CHKA: variants seen among roughly 807,000 people sequenced by gnomAD.
CHKA encodes the protein CHETK-alpha.
In CHKA, 34 loss-of-function variants were observed where a neutral mutation model predicts 60.1. The observed-to-expected ratio is 0.57, with a 90% confidence interval of 0.43 to 0.75. CHKA has a LOEUF of 0.75. CHKA is among the 30% of genes least tolerant of loss of function. The pLI is 0.00. For missense variants in CHKA, 563 were observed against 561.3 expected (o/e 1.00, Z -0.03); for synonymous variants, 217 against 223.1 (o/e 0.97, Z 0.24).
At chr11:68,108,994 G>A (rs1023914195) in intron 1 of CHKA, among the ~76,000 whole-genome samples, 3 of 145,004 alleles carry the variant, frequency 2.1e-5, no homozygotes, top group African/African-American at 5.1e-5. Context: ...GGAGCTCTAC[G>A]AGTTCCTTAC....
Position 68,053,190 on chromosome 11 carries a change from A to C in CHKA, c.*798T>G, listed in dbSNP as rs1855862357. 2 of 157,152 alleles carry C rather than the reference A, an allele frequency of 1.3e-5. No homozygotes were observed. 9.7% of individuals were successfully genotyped at this position (157,152 alleles called of 1,614,324 possible). A position where few individuals can be genotyped will look rare whatever the true frequency, so the allele number is the denominator to read the frequency against. ...CAGAGCAGAGGGCAGGAGAGGCCCA[A>C]AGAGCTAGGTCAAGCAGCTGGCTCC... is the stretch of plus-strand genomic sequence containing the variant. On this transcript the variant is annotated 3_prime_UTR_variant, in exon 12 of 12. Transcript: ENST00000265689.
chr11:68,058,845 G>A (rs533716699), intron 11 of CHKA, among the ~76,000 whole-genome samples: 3 of 152,314 alleles, frequency 2.0e-5, no homozygotes, highest in East Asian at 3.9e-4. Context: ...TGGGGTGGGG[G>A]TCAAAGGGGA....
chr11:68,119,193 T>C (rs1364377268), intron 1 of CHKA, among the ~76,000 whole-genome samples: 1 of 152,206 alleles, frequency 6.6e-6, no homozygotes. Context: ...CTAAACAGCC[T>C]CGGTTTTCTT....
chr11:68,076,832 C>T (rs971395465), intron 3 of CHKA, among the ~76,000 whole-genome samples: 2 of 152,080 alleles, frequency 1.3e-5, no homozygotes, highest in African/African-American at 4.8e-5. Flanking sequence ...TTTAGCACTG[C>T]CCTAAACATT....
chr11:68,081,610 G>A (rs936476392), intron 2 of CHKA, 153 bp from the exon 3 acceptor site: 2 of 600,936 alleles, frequency 3.3e-6, no homozygotes, highest in African/African-American at 1.9e-5. Context: ...AGCATCTAAT[G>A]CACCAGCAGC....
At chr11:68,060,922 G>A (rs1856212963) in intron 11 of CHKA, among the ~76,000 whole-genome samples, 1 of 152,006 alleles carries the variant, frequency 6.6e-6, no homozygotes, top group African/African-American at 2.4e-5. Flanking sequence ...ATAAGACTGA[G>A]GAGGTCAAAA....
chr11:68,065,989 C>T (rs374522668), intron 8 of CHKA, 95 bp from the exon 9 acceptor site: 16 of 812,434 alleles, frequency 2.0e-5, no homozygotes, highest in Admixed American at 4.6e-5. Context: ...GTTCCGAGCA[C>T]GCCACTCCTG....
At chr11:68,055,450 A>G (rs921337652) in intron 11 of CHKA, among the ~76,000 whole-genome samples, 1 of 152,110 alleles carries the variant, frequency 6.6e-6, no homozygotes, top group Admixed American at 6.5e-5. Flanking sequence ...CTTGGTGTGG[A>G]ATTTGTTTTC....
intron 1 of CHKA, among the ~76,000 whole-genome samples, chr11:68,111,521 G>C (rs901242004): frequency 5.9e-5 from 9 of 151,960 alleles, no homozygotes; most frequent in Admixed American, 5.9e-4. Context: ...AGAGGTTGCA[G>C]TGAGCCAAGA....
At position 68,120,878 on chromosome 11, in the gene CHKA, G is replaced by T; in HGVS notation, c.300C>A (p.Pro100=). The T allele has an allele frequency of 7.4e-7, 1 of 1,355,390 alleles. No homozygotes were observed. Among genetic ancestry groups the T allele is most frequent in the South Asian group, 1.5e-5 (1 of 67,016 alleles). 84.0% of individuals were successfully genotyped at this position (1,355,390 alleles called of 1,614,324 possible). The change falls in exon 1 of 12, where the codon CCC becomes CCA. Residue 100 remains proline (P), a synonymous_variant. Transcript: ENST00000265689. ...RAYLWCKEFL[P]GAWRGLREDE... ...CCTCGCGGAGGCCCCGCCAGGCGCC[G>T]GGCAGGAACTCCTTGCACCACAGAT...
chr11:68,113,835 C>T (rs1302301522), intron 1 of CHKA, among the ~76,000 whole-genome samples: 1 of 151,776 alleles, frequency 6.6e-6, no homozygotes, highest in Non-Finnish European at 1.5e-5. Flanking sequence ...TCTCTAAATA[C>T]CAAAAATTAG....
intron 1 of CHKA, among the ~76,000 whole-genome samples, chr11:68,101,709 T>A (rs1157182037): frequency 9.9e-5 from 15 of 151,322 alleles, no homozygotes; most frequent in African/African-American, 3.1e-4. Flanking sequence ...GAAAGAGCTC[T>A]GCAATGAAAA....
chr11:68,083,228 G>A (rs772698833), intron 2 of CHKA, among the ~76,000 whole-genome samples: 3 of 152,080 alleles, frequency 2.0e-5, no homozygotes, highest in South Asian at 2.1e-4. Flanking sequence ...TGAGCCCAAC[G>A]AGCTGCCTGG....
At chr11:68,069,015 G>C (rs1856532236) in intron 6 of CHKA, 78 bp from the exon 7 acceptor site, 2 of 1,115,390 alleles carry the variant, frequency 1.8e-6, no homozygotes, top group Admixed American at 3.6e-5. Flanking sequence ...CACATGGCCA[G>C]CACCAAATTC....
intron 3 of CHKA, among the ~76,000 whole-genome samples, chr11:68,079,792 AG>A (rs1248436681): frequency 6.6e-6 from 1 of 152,222 alleles, no homozygotes; most frequent in Non-Finnish European, 1.5e-5. Flanking sequence ...AGAGACTGCT[AG>A]CCAATGGCAT....
At position 68,070,237 on chromosome 11, in the gene CHKA, A is replaced by G. The variant is rs1300961741; in HGVS notation, c.821T>C (p.Leu274Pro). 1 of 1,614,034 alleles carries G rather than the reference A, an allele frequency of 6.2e-7. No homozygotes were observed. The highest frequency in any genetic ancestry group is 8.5e-7 in the Non-Finnish European group (1 of 1,179,998). The change falls in exon 6 of 12, where the codon CTC becomes CCC. Residue 274 changes from leucine to proline, a missense_variant. Coordinates refer to ENST00000265689, the MANE Select transcript of CHKA (RefSeq NM_001277.3). ...KFTEESRIKK[L>P]HKLLSYNLPL... Reference sequence around the variant, plus strand: ...CAGATTGTAACTGAGCAATTTGTGGAGCTTTTTAATTCTGGATTCCTCAGT... The same window carrying G: ...CAGATTGTAACTGAGCAATTTGTGGGGCTTTTTAATTCTGGATTCCTCAGT...
At position 68,120,858 on chromosome 11, in the gene CHKA, C is replaced by T. The variant is rs1858611322; in HGVS notation, c.320G>A (p.Arg107His). The T allele has an allele frequency of 7.4e-7, 1 of 1,349,270 alleles. No individual in the cohort carries two copies. The highest frequency in any genetic ancestry group is 2.0e-4 in the Middle Eastern group (1 of 4,906). The allele number at this position is 1,349,270 out of a possible 1,614,324, so 83.6% of individuals were successfully genotyped here. A position where few individuals can be genotyped will look rare whatever the true frequency, so the allele number is the denominator to read the frequency against. Reference protein sequence around the residue: ...EFLPGAWRGLREDEFHISVIR... With the variant: ...EFLPGAWRGLHEDEFHISVIR... ...GACACTGATGTGGAACTCGTCCTCGCGGAGGCCCCGCCAGGCGCCGGGCAG... is the reference window on the plus strand; with the variant it reads ...GACACTGATGTGGAACTCGTCCTCGTGGAGGCCCCGCCAGGCGCCGGGCAG... Residue 107 changes from arginine to histidine, a missense_variant, in exon 1 of 12, where the codon CGC becomes CAC. By Grantham distance (29) the Arg-to-His change is conservative. Transcript: ENST00000265689.
At chr11:68,097,413 T>A (rs912456288) in intron 1 of CHKA, among the ~76,000 whole-genome samples, 2 of 152,080 alleles carry the variant, frequency 1.3e-5, no homozygotes, top group African/African-American at 4.8e-5. Flanking sequence ...GGCGGGTGGA[T>A]CACAAGGTCA....
intron 11 of CHKA, among the ~76,000 whole-genome samples, chr11:68,057,750 A>G (rs1160128380): frequency 2.0e-5 from 3 of 152,306 alleles, no homozygotes; most frequent in East Asian, 3.9e-4. Flanking sequence ...TTTTCTCCAC[A>G]TGACTCTTCA....
Sources: allele counts gnomAD v4.1 joint callset (sites outside exome capture counted in the v4.1 genomes callset), GRCh38; gene constraint gnomAD v4.1.1; transcripts MANE v1.5; gene names NCBI Gene and HGNC (gene_info 2026-07-23, HGNC 2026-07-21).